The following ANO4 variants were observed in gnomAD, a reference collection of about 807,000 sequenced individuals.
ANO4 encodes anoctamin-4.
In ANO4, 69 loss-of-function variants were observed where a neutral mutation model predicts 141.9. The observed-to-expected ratio is 0.49, with a 90% CI of 0.40 to 0.59. The LOEUF is 0.59. ANO4 is among the 20% of genes least tolerant of loss of function. ANO4 has a pLI of 0.00. For missense variants in ANO4, 894 were observed against 1,162.2 expected, an observed-to-expected ratio of 0.77 and a Z score of 3.36; for synonymous variants, 350 against 394.3, an observed-to-expected ratio of 0.89 and a Z score of 1.33.
chr12:100,816,185 A>G (rs1238226599), intron 1 of ANO4, among the ~76,000 whole-genome samples: 3 of 152,120 alleles, frequency 2.0e-5, no homozygotes, highest in African/African-American at 4.8e-5. Flanking sequence ...GTGAACTCGT[A>G]TGGTACAATC....
Position 101,025,322 on chromosome 12 carries a change from C to T in ANO4, c.841+5182C>T, listed in dbSNP as rs78277404. Among the ~76,000 whole-genome samples, 1,145 of 152,310 alleles carry T rather than the reference C, an allele frequency of 7.5e-3. 10 individuals are homozygous for T. The highest frequency in any genetic ancestry group is 0.014 in the Middle Eastern group (4 of 294). ...CCACCTTGACATAGTTTCTAGACAGCACCATGAAAAGTGAGAATGTAGGCA... is the reference window on the plus strand; with the variant it reads ...CCACCTTGACATAGTTTCTAGACAGTACCATGAAAAGTGAGAATGTAGGCA... On this transcript the variant is annotated intron_variant, in intron 9 of 27. Transcript: ENST00000392977.
Position 101,039,270 on chromosome 12 carries a change from C to T in ANO4, c.898-685C>T, listed in dbSNP as rs576328570. On this transcript the variant is annotated intron_variant, in intron 10 of 27. Coordinates refer to ENST00000392977, the MANE Select transcript of ANO4 (RefSeq NM_001286615.2). ...CTGTAATCCCAGCACATTGGGAGGC[C>T]GAGGGGGACAGATCGCTTGAGTCTA... is the stretch of plus-strand genomic sequence containing the variant. Among the ~76,000 whole-genome samples, 337 of 152,196 alleles carry T rather than the reference C, an allele frequency of 2.2e-3. 3 individuals carry two copies. Among genetic ancestry groups the T allele is most frequent in the African/African-American group, 7.9e-3 (326 of 41,526 alleles).
intron 5 of ANO4, among the ~76,000 whole-genome samples, chr12:100,945,800 G>A (rs2042697134): frequency 6.6e-6 from 1 of 151,924 alleles, no homozygotes; most frequent in South Asian, 2.1e-4. Context: ...AATATAATTA[G>A]GTAAATCATA....
chr12:101,016,868 A>G (rs1326977337), intron 8 of ANO4, among the ~76,000 whole-genome samples: 1 of 152,214 alleles, frequency 6.6e-6, no homozygotes, highest in Non-Finnish European at 1.5e-5. Flanking sequence ...TGTTATCCCC[A>G]TTTCACAGAT....
intron 13 of ANO4, among the ~76,000 whole-genome samples, chr12:101,043,891 G>A (rs2047518943): frequency 6.6e-6 from 1 of 152,218 alleles, no homozygotes; most frequent in Non-Finnish European, 1.5e-5. Flanking sequence ...TGGAGTCAGA[G>A]AAAGTTAGGT....
chr12:100,868,671 C>T (rs1168221276), intron 1 of ANO4, among the ~76,000 whole-genome samples: 2 of 152,146 alleles, frequency 1.3e-5, no homozygotes, highest in African/African-American at 2.4e-5. Flanking sequence ...CCACCACAAG[C>T]TTTCCAAGAA....
intron 14 of ANO4, among the ~76,000 whole-genome samples, chr12:101,056,387 T>G (rs1176146116): frequency 5.3e-5 from 8 of 152,306 alleles, no homozygotes; most frequent in Admixed American, 3.9e-4. Flanking sequence ...TAATTTCAAT[T>G]GCCAGTTATT....
chr12:101,116,813 C>T lies in ANO4; in HGVS notation c.2570+15C>T. ...AAGTACTGCAGGTGAGTGTGGCACC[C>T]AGCGTGGCTCTGCCTGAGCTGGGCT... On this transcript the variant is annotated intron_variant, in intron 25 of 27. Transcript: ENST00000392977. 6.2e-7 allele frequency: 1 copy of T among 1,613,966 alleles called. No individual in the cohort carries two copies. The highest frequency in any genetic ancestry group is 8.5e-7 in the Non-Finnish European group (1 of 1,179,972).
rs538124738 is a variant in ANO4, at chr12:100,808,864, TAGTA to T, written c.-141+13841_-141+13844del. Among the ~76,000 whole-genome samples the T allele has an allele frequency of 4.5e-4, 69 of 152,374 alleles. 1 individual carries two copies. In the South Asian group the frequency reaches 5.2e-3, roughly 11 times the overall value. Reference sequence around the variant, plus strand: ...TTTGTTTTAAATTTGCAATTGAATTTAGTAAGTGTTTTTCACACCCACAAATTCA... The same window carrying T: ...TTTGTTTTAAATTTGCAATTGAATTTAGTGTTTTTCACACCCACAAATTCA... On this transcript the variant is annotated intron_variant, in intron 1 of 27. Coordinates refer to ENST00000392977, the MANE Select transcript of ANO4 (RefSeq NM_001286615.2).
chr12:101,076,850 G>A (rs548958295), intron 14 of ANO4, among the ~76,000 whole-genome samples: 5 of 152,228 alleles, frequency 3.3e-5, no homozygotes, highest in African/African-American at 1.2e-4. Flanking sequence ...TTGCTTGAGG[G>A]GCTAGAGGAC....
At chr12:100,726,969 G>A (rs1193582149) in intron 1 of ANO4, among the ~76,000 whole-genome samples, 3 of 102,490 alleles carry the variant, frequency 2.9e-5, no homozygotes, top group Non-Finnish European at 6.2e-5. Flanking sequence ...GACCCCCCCC[G>A]CCCATTCCCT....
rs1268131318 is a variant in ANO4 at position 100,764,303 on chromosome 12, A to G, written c.358+24198A>G. Among the ~76,000 whole-genome samples, 4 of 152,170 alleles carry G rather than the reference A, an allele frequency of 2.6e-5. No individual in the cohort carries two copies. In the East Asian group the frequency reaches 5.8e-4, roughly 22 times the overall value. The stretch of plus-strand genomic sequence containing the variant: ...GCAGTTCTGGAACTGGAACTTAACT[A>G]TCTAGGAACCCAGCTCAAGATCCTG... On this transcript the variant is annotated intron_variant, in intron 3 of 29. Coordinates refer to the ANO4 transcript ENST00000644049.
At chr12:100,787,337 C>T (rs2033905240) in intron 3 of ANO4, among the ~76,000 whole-genome samples, 2 of 152,112 alleles carry the variant, frequency 1.3e-5, no homozygotes, top group African/African-American at 4.8e-5. Flanking sequence ...TTGGAAAAAG[C>T]CTGTGCCAGG....
chr12:100,922,582 G>A (rs1324168842), intron 3 of ANO4, among the ~76,000 whole-genome samples: 1 of 152,084 alleles, frequency 6.6e-6, no homozygotes, highest in Non-Finnish European at 1.5e-5. Flanking sequence ...TCTGTATATT[G>A]TATTTCATGT....
intron 8 of ANO4, among the ~76,000 whole-genome samples, chr12:101,017,020 C>T (rs1397328262): frequency 6.6e-6 from 1 of 152,158 alleles, no homozygotes; most frequent in African/African-American, 2.4e-5. Flanking sequence ...AGCTAAAAGT[C>T]GCTCCTCCTC....
intron 14 of ANO4, among the ~76,000 whole-genome samples, chr12:101,070,490 C>T (rs561542822): frequency 3.5e-4 from 54 of 152,234 alleles, no homozygotes; most frequent in African/African-American, 1.3e-3. Flanking sequence ...AGACCCTTAT[C>T]TTTCCGCATA....
chr12:100,823,663 C>T (rs1412372569), intron 1 of ANO4, among the ~76,000 whole-genome samples: 1 of 151,994 alleles, frequency 6.6e-6, no homozygotes, highest in African/African-American at 2.4e-5. Flanking sequence ...GCCAGTAAAT[C>T]TATTTTTTTC....
intron 3 of ANO4, among the ~76,000 whole-genome samples, chr12:100,929,890 T>A (rs563156623): frequency 3.3e-3 from 507 of 152,242 alleles, no homozygotes; most frequent in Non-Finnish European, 5.5e-3. Flanking sequence ...TACAATGAGA[T>A]TTCTCATTGT....
chr12:100,757,166 G>A (rs980836110), intron 3 of ANO4, among the ~76,000 whole-genome samples: 4 of 152,138 alleles, frequency 2.6e-5, no homozygotes, highest in Admixed American at 2.0e-4. Flanking sequence ...ATCATAGGCT[G>A]TCCTCTGCCC....
Sources: allele counts gnomAD v4.1 joint callset (sites outside exome capture counted in the v4.1 genomes callset), GRCh38; gene constraint gnomAD v4.1.1; transcripts MANE v1.5; gene names NCBI Gene and HGNC (gene_info 2026-07-23, HGNC 2026-07-21).